Variants in SEMA4F observed in about 807,000 individuals in gnomAD.
SEMA4F encodes the protein semaphorin-4F.
Under a neutral mutation model 78.4 loss-of-function variants are expected in SEMA4F, and 51 were observed. The ratio of observed to expected loss-of-function variants is 0.65; its 90% CI spans 0.52 to 0.82. The LOEUF (loss-of-function observed/expected upper bound fraction) is 0.82. Ranked by LOEUF, SEMA4F falls within the 40% of genes least tolerant of loss-of-function variation. SEMA4F has a pLI of 0.00. For synonymous variants in SEMA4F, 418 were observed against 408.7 expected, an observed-to-expected ratio of 1.02 and a Z score of -0.27; for missense variants, 938 against 1,014.4, an observed-to-expected ratio of 0.92 and a Z score of 1.02.
chr2:74,654,554 C>A, intron 1 of SEMA4F, 33 bp downstream of exon 1: 2 of 1,513,776 alleles, frequency 1.3e-6, no homozygotes, highest in South Asian at 1.3e-5. Context: ...CTCAGCCCTT[C>A]GCGCCCACAC....
chr2:74,673,142 G>C (rs535356250), intron 5 of SEMA4F, among the ~76,000 whole-genome samples: 4 of 152,192 alleles, frequency 2.6e-5, no homozygotes, highest in African/African-American at 9.6e-5. Context: ...GCACATTACA[G>C]GATTACTGAA....
At chr2:74,707,232 T>C in the SEMA4F span, among the ~76,000 whole-genome samples, 1 of 152,226 alleles carries the variant, frequency 6.6e-6, no homozygotes, top group East Asian at 1.9e-4. Flanking sequence ...ACTGTAGTTA[T>C]ATAAAAAGAT....
At chr2:74,685,493 T>C (rs536019759), downstream of SEMA4F, among the ~76,000 whole-genome samples, 1 of 152,144 alleles carries the variant, frequency 6.6e-6, no homozygotes, top group South Asian at 2.1e-4. Context: ...CTCAGCTCTG[T>C]AGGGTAGAGA....
chr2:74,685,995 C>CA (rs1157007765), downstream of SEMA4F, among the ~76,000 whole-genome samples: 3 of 152,112 alleles, frequency 2.0e-5, 1 homozygote, highest in Middle Eastern at 6.3e-3. Context: ...AAATGCAAAT[C>CA]AAAACCACAA....
downstream of SEMA4F, among the ~76,000 whole-genome samples, chr2:74,686,289 C>T (rs1167545217): frequency 5.9e-5 from 9 of 152,058 alleles, no homozygotes; most frequent in Admixed American, 3.9e-4. Context: ...TTAGTAGAGA[C>T]GGGGTTTCAC....
At position 74,680,290 on chromosome 2, in the gene SEMA4F, A is replaced by G; in HGVS notation, c.*81A>G. The G allele has an allele frequency of 6.8e-7, 1 of 1,460,688 alleles. No individual in the cohort carries two copies. The highest frequency in any genetic ancestry group is 9.2e-7 in the Non-Finnish European group (1 of 1,087,100). The allele number at this position is 1,460,688 out of a possible 1,614,324, so 90.5% of individuals were successfully genotyped here. A position where few individuals can be genotyped will look rare whatever the true frequency, so the allele number is the denominator to read the frequency against. ...AGATGCTGGGGGTCACTGGGCCTGG[A>G]AGACCATCCCAGCCTCTGAGTTCTC... On this transcript the variant is annotated 3_prime_UTR_variant, in exon 14 of 14. Coordinates refer to ENST00000357877, the MANE Select transcript of SEMA4F (RefSeq NM_004263.5).
chr2:74,703,772 ATAG>A, the SEMA4F span, among the ~76,000 whole-genome samples: 1 of 152,098 alleles, frequency 6.6e-6, no homozygotes, highest in African/African-American at 2.4e-5. Flanking sequence ...CCAAATCTTT[ATAG>A]CATGAAAATC....
intron 4 of SEMA4F, among the ~76,000 whole-genome samples, chr2:74,659,790 G>A (rs570229399): frequency 6.6e-6 from 1 of 152,244 alleles, no homozygotes; most frequent in South Asian, 2.1e-4. Flanking sequence ...TCATGTCCTA[G>A]ACTGATGACT....
At chr2:74,696,543 G>A in the SEMA4F span, among the ~76,000 whole-genome samples, 1 of 151,930 alleles carries the variant, frequency 6.6e-6, no homozygotes, top group Non-Finnish European at 1.5e-5. Flanking sequence ...GTGTTTCTTT[G>A]TGAAAATACA....
At chr2:74,685,619 T>C (rs552046823), downstream of SEMA4F, among the ~76,000 whole-genome samples, 1 of 152,208 alleles carries the variant, frequency 6.6e-6, no homozygotes, top group African/African-American at 2.4e-5. Context: ...TGGGATACTA[T>C]GATTGGTCAG....
intron 1 of SEMA4F, among the ~76,000 whole-genome samples, chr2:74,655,825 G>C (rs1165207113): frequency 6.6e-6 from 1 of 152,088 alleles, no homozygotes; most frequent in East Asian, 1.9e-4. Context: ...GTACATCTAG[G>C]AATGAATGGG....
chr2:74,677,843 CAG>C (rs1685379368), intron 12 of SEMA4F, among the ~76,000 whole-genome samples: 1 of 152,148 alleles, frequency 6.6e-6, no homozygotes, highest in African/African-American at 2.4e-5. Flanking sequence ...CATGTCAAAA[CAG>C]AGTGAAATGT....
At chr2:74,693,201 A>G in the SEMA4F span, among the ~76,000 whole-genome samples, 33 of 152,372 alleles carry the variant, frequency 2.2e-4, no homozygotes, top group Non-Finnish European at 2.9e-5. Flanking sequence ...ATGTTATTCT[A>G]TATCATCATC....
intron 12 of SEMA4F, among the ~76,000 whole-genome samples, chr2:74,676,984 C>T (rs750159446): frequency 2.0e-5 from 3 of 152,152 alleles, no homozygotes; most frequent in Non-Finnish European, 2.9e-5. Context: ...TCACTGCAAC[C>T]TCTGCCTCCC....
intron 12 of SEMA4F, among the ~76,000 whole-genome samples, chr2:74,678,669 A>G (rs1020844985): frequency 2.6e-5 from 4 of 152,338 alleles, no homozygotes; most frequent in African/African-American, 7.2e-5. Context: ...TCCATCAGAT[A>G]TAGTCCACCC....
At chr2:74,673,326 C>T in intron 5 of SEMA4F, 131 bp from the exon 6 acceptor site, 1 of 1,086,190 alleles carries the variant, frequency 9.2e-7, no homozygotes, top group Non-Finnish European at 1.3e-6. Flanking sequence ...ATGTGCTCAG[C>T]AGAGTCTGGC....
intron 1 of SEMA4F, chr2:74,655,333 C>A: frequency 5.1e-6 from 2 of 390,422 alleles, no homozygotes; most frequent in Non-Finnish European, 1.1e-5. Context: ...AGCTAGGAGA[C>A]GTCACAAGGT....
At chr2:74,706,028 AT>A in the SEMA4F span, among the ~76,000 whole-genome samples, 1 of 151,958 alleles carries the variant, frequency 6.6e-6, no homozygotes, top group African/African-American at 2.4e-5. Context: ...ATTACAAGCC[AT>A]TTTAATTTGC....
Position 74,675,030 on chromosome 2 carries a change from G to A in SEMA4F, c.1144G>A (p.Gly382Arg), listed in dbSNP as rs980237622. ...VDNDVPQPRP[G>R]ECITNNMKLR... ...CAATGATGTGCCCCAGCCCAGACCT[G>A]GAGAGGTGAGGGGGCAGATCTTCAT... Residue 382 changes from glycine (G) to arginine (R), a missense_variant, in exon 9 of 14, where the codon GGA becomes AGA. Coordinates refer to ENST00000357877, the MANE Select transcript of SEMA4F (RefSeq NM_004263.5). 6.2e-6 allele frequency: 10 copies of A among 1,613,964 alleles called. No individual in the cohort carries two copies. Among genetic ancestry groups the A allele is most frequent in the Non-Finnish European group, 7.6e-6 (9 of 1,180,014 alleles).
Sources: allele counts gnomAD v4.1 joint callset (sites outside exome capture counted in the v4.1 genomes callset), GRCh38; gene constraint gnomAD v4.1.1; transcripts MANE v1.5; gene names NCBI Gene and HGNC (gene_info 2026-07-23, HGNC 2026-07-21).